Variants in SBF2 observed in about 807,000 individuals in gnomAD.
SBF2 encodes the protein myotubularin-related protein 13.
A neutral mutation model predicts 225.2 loss-of-function variants in SBF2; 112 were observed. The observed-to-expected ratio is 0.50, with a 90% CI of 0.43 to 0.58. The LOEUF (loss-of-function observed/expected upper bound fraction) is 0.58, where lower values mean the gene tolerates loss of function less well. Ranked by LOEUF, SBF2 falls within the 20% of genes least tolerant of loss-of-function variation. The pLI is 0.00. For synonymous variants in SBF2, 763 were observed against 773.3 expected (o/e 0.99, Z 0.22); for missense variants, 1,996 against 2,206.2 (o/e 0.90, Z 1.91).
At chr11:9,938,017 G>A (rs1177343155) in intron 16 of SBF2, among the ~76,000 whole-genome samples, 1 of 150,914 alleles carries the variant, frequency 6.6e-6, no homozygotes, top group Admixed American at 6.7e-5. Flanking sequence ...TCAGGGTCGG[G>A]CACGGTAGCT....
chr11:10,295,870 A>G (rs1269314184), upstream of SBF2, among the ~76,000 whole-genome samples: 1 of 152,118 alleles, frequency 6.6e-6, no homozygotes, highest in Non-Finnish European at 1.5e-5. Flanking sequence ...TTCCTTCCCA[A>G]CTTTTCTAAA....
At chr11:9,951,650 G>A (rs1412259224) in intron 16 of SBF2, among the ~76,000 whole-genome samples, 1 of 152,208 alleles carries the variant, frequency 6.6e-6, no homozygotes, top group Non-Finnish European at 1.5e-5. Flanking sequence ...TCTATTTCCA[G>A]AGGGCAACCA....
At chr11:10,184,470 A>G (rs1591163750) in intron 2 of SBF2, among the ~76,000 whole-genome samples, 4 of 152,242 alleles carry the variant, frequency 2.6e-5, no homozygotes, top group Admixed American at 2.6e-4. Context: ...TAAAATATAT[A>G]TAACACAAAA....
rs544777522 is a variant in SBF2 at position 10,170,969 on chromosome 11, T to C, written c.141+22933A>G. On this transcript the variant is annotated intron_variant, in intron 2 of 39. Transcript: ENST00000256190. ...CACTGTTGGCATATAGAAATGCTAA[T>C]GATTTTTGTATGCTAACTTTGTATC... is the stretch of plus-strand genomic sequence containing the variant. Among the ~76,000 whole-genome samples, 8 of 152,336 alleles carry C rather than the reference T, an allele frequency of 5.3e-5. No individual in the cohort carries two copies. The East Asian group carries it at 1.5e-3, about 29-fold the overall frequency.
At chr11:10,181,270 C>A (rs1158975541) in intron 2 of SBF2, among the ~76,000 whole-genome samples, 3 of 151,994 alleles carry the variant, frequency 2.0e-5, no homozygotes, top group East Asian at 1.9e-4. Context: ...ATCATCTCAG[C>A]AATTACTAAG....
chr11:10,286,594 G>A (rs963667885), intron 1 of SBF2, among the ~76,000 whole-genome samples: 40 of 151,940 alleles, frequency 2.6e-4, no homozygotes, highest in African/African-American at 9.2e-4. Flanking sequence ...TCCTGACCTC[G>A]TGATCCACCC....
At chr11:10,211,591 T>C (rs1317170699) in intron 1 of SBF2, among the ~76,000 whole-genome samples, 1 of 152,210 alleles carries the variant, frequency 6.6e-6, no homozygotes, top group African/African-American at 2.4e-5. Context: ...AGGTGTCTGC[T>C]AGTTCTCTAT....
chr11:10,171,959 TC>T (rs1956209672), intron 2 of SBF2, among the ~76,000 whole-genome samples: 1 of 152,208 alleles, frequency 6.6e-6, no homozygotes, highest in Non-Finnish European at 1.5e-5. Flanking sequence ...CCACTAATGG[TC>T]CTTTGAATAT....
intron 17 of SBF2, among the ~76,000 whole-genome samples, chr11:9,867,488 CT>C (rs1328671526): frequency 6.6e-6 from 1 of 152,068 alleles, no homozygotes; most frequent in Non-Finnish European, 1.5e-5. Flanking sequence ...AGTGAGATTC[CT>C]TAAAAAACTA....
chr11:9,962,447 C>G (rs1172214630), intron 15 of SBF2, among the ~76,000 whole-genome samples: 1 of 152,110 alleles, frequency 6.6e-6, no homozygotes, highest in Non-Finnish European at 1.5e-5. Context: ...AGACACCTTT[C>G]TATAACTAGT....
intron 1 of SBF2, among the ~76,000 whole-genome samples, chr11:10,218,081 G>C (rs1958195647): frequency 6.6e-6 from 1 of 152,028 alleles, no homozygotes; most frequent in Admixed American, 6.6e-5. Context: ...TGTATTTTTA[G>C]TAGAGACAGG....
At chr11:10,158,515 T>C (rs185944974) in intron 2 of SBF2, among the ~76,000 whole-genome samples, 1 of 152,062 alleles carries the variant, frequency 6.6e-6, no homozygotes, top group East Asian at 1.9e-4. Context: ...ATCATAGAAA[T>C]AGAATCATAA....
At chr11:10,042,763 T>A in intron 3 of SBF2, 81 bp downstream of exon 3, 1 of 1,486,176 alleles carries the variant, frequency 6.7e-7, no homozygotes, top group South Asian at 1.1e-5. Context: ...AACTTGCAGT[T>A]GTAACAAAAA....
In SBF2 at chr11:9,850,134, C is replaced by G. The variant is rs763238935; in HGVS notation, c.2695G>C (p.Glu899Gln). ...LRVLLDPDGR[E>Q]EATGGLLGGP... ...CCAAGAAGACCTCCAGTAGCTTCTTCTCTTCCATCAGGATCCAGCAAGACT... is the reference window on the plus strand; with the variant it reads ...CCAAGAAGACCTCCAGTAGCTTCTTGTCTTCCATCAGGATCCAGCAAGACT... The change falls in exon 22 of 40, where the codon GAA becomes CAA. Residue 899 changes from glutamate (E) to glutamine (Q), a missense_variant. Glu to Gln is a conservative substitution (Grantham distance 29). Coordinates refer to ENST00000256190, the MANE Select transcript of SBF2 (RefSeq NM_030962.4). 6.2e-7 allele frequency: 1 copy of G among 1,614,112 alleles called. No homozygotes were observed. Among genetic ancestry groups the G allele is most frequent in the Non-Finnish European group, 8.5e-7 (1 of 1,179,974 alleles).
At chr11:9,849,280 G>C (rs1856761255) in intron 22 of SBF2, among the ~76,000 whole-genome samples, 1 of 152,154 alleles carries the variant, frequency 6.6e-6, no homozygotes, top group African/African-American at 2.4e-5. Context: ...TTTTATAAAA[G>C]AGGAAAATAA....
intron 1 of SBF2, among the ~76,000 whole-genome samples, chr11:10,288,892 A>G (rs1350480923): frequency 3.3e-5 from 5 of 152,170 alleles, no homozygotes; most frequent in African/African-American, 1.2e-4. Flanking sequence ...GCTCTAGTCC[A>G]TAGGACTGGC....
intron 16 of SBF2, among the ~76,000 whole-genome samples, chr11:9,910,646 G>A (rs1862524838): frequency 6.6e-6 from 1 of 151,754 alleles, no homozygotes; most frequent in Non-Finnish European, 1.5e-5. Flanking sequence ...ACCCTGTGTA[G>A]GTCTAGGCTA....
intron 2 of SBF2, among the ~76,000 whole-genome samples, chr11:10,181,832 T>C (rs1327855198): frequency 2.0e-5 from 3 of 152,148 alleles, no homozygotes; most frequent in African/African-American, 4.8e-5. Context: ...AGCCATATCA[T>C]TGATAAATTT....
At chr11:10,252,820 C>CAAA (rs779396478) in intron 1 of SBF2, among the ~76,000 whole-genome samples, 55 of 124,738 alleles carry the variant, frequency 4.4e-4, no homozygotes, top group Non-Finnish European at 6.9e-4. Flanking sequence ...GACTCTGTCT[C>CAAA]AAAAAAAAAA....
Sources: gnomAD v4.1 joint callset for allele counts (sites outside exome capture counted in the v4.1 genomes callset) on GRCh38, gnomAD v4.1.1 for gene constraint, MANE v1.5 for transcripts, NCBI Gene and HGNC (gene_info 2026-07-23, HGNC 2026-07-21) for gene names.